The following LDLRAD3 variants were observed in gnomAD, a reference collection of about 807,000 sequenced individuals.
LDLRAD3 encodes low-density lipoprotein receptor class A domain-containing protein 3.
Under a neutral mutation model 29.4 loss-of-function variants are expected in LDLRAD3, and 20 were observed. The observed-to-expected ratio is 0.68, with a 90% CI of 0.48 to 0.99. LDLRAD3 has a LOEUF of 0.99. LDLRAD3 is among the 50% of genes least tolerant of loss of function. The pLI is 0.00. For missense variants in LDLRAD3, 420 were observed against 454.3 expected (o/e 0.92, Z 0.69); for synonymous variants, 157 against 192.7 (o/e 0.81, Z 1.53).
At chr11:36,094,115 G>A (rs1853322962) in intron 3 of LDLRAD3, among the ~76,000 whole-genome samples, 1 of 152,154 alleles carries the variant, frequency 6.6e-6, no homozygotes, top group Non-Finnish European at 1.5e-5. Flanking sequence ...CTTGGAGGTG[G>A]GGTTTCACCG....
rs553724744 is a variant in LDLRAD3, at chr11:36,178,938, T to C, written c.455-48147T>C. Among the ~76,000 whole-genome samples the C allele has an allele frequency of 4.6e-5, 7 of 152,348 alleles. No homozygotes were observed. The East Asian group carries it at 9.6e-4, about 21-fold the overall frequency. The stretch of plus-strand genomic sequence containing the variant: ...TGTAAGTGTCTTGAGGTCATAGAAG[T>C]AAAAGCATGCCTTGTTACCCAGAGT... On this transcript the variant is annotated intron_variant, in intron 4 of 5. Coordinates refer to ENST00000315571, the MANE Select transcript of LDLRAD3 (RefSeq NM_174902.4).
chr11:36,142,809 G>T (rs768070168), intron 4 of LDLRAD3, among the ~76,000 whole-genome samples: 16 of 152,278 alleles, frequency 1.1e-4, no homozygotes, highest in Middle Eastern at 3.4e-3. Context: ...GGAGCCAGAG[G>T]TTGGAATTTC....
At chr11:35,954,649 T>C (rs1314702147) in intron 1 of LDLRAD3, among the ~76,000 whole-genome samples, 1 of 152,134 alleles carries the variant, frequency 6.6e-6, no homozygotes, top group African/African-American at 2.4e-5. Context: ...TTGGTGAAAA[T>C]TGCTTCTCCT....
chr11:36,176,209 T>C (rs892057519), intron 4 of LDLRAD3, among the ~76,000 whole-genome samples: 1 of 152,214 alleles, frequency 6.6e-6, no homozygotes, highest in Non-Finnish European at 1.5e-5. Flanking sequence ...GGTGAGTCTC[T>C]TGAAGACAGC....
chr11:36,040,979 T>TG lies in LDLRAD3; in HGVS notation c.193+4732dup, dbSNP rs545654762. ...TATTTCTTTGTGAGATACCTATTGA[T>TG]GGACTAATATTAATTTCCAGCTGAG... On this transcript the variant is annotated intron_variant, in intron 2 of 5. Transcript: ENST00000315571. 1.7e-3 allele frequency among the ~76,000 whole-genome samples: 266 copies of TG among 152,302 alleles called. 1 individual carries two copies. The highest frequency in any genetic ancestry group is 6.3e-3 in the African/African-American group (260 of 41,562).
At chr11:36,207,220 A>G (rs977958245) in intron 4 of LDLRAD3, among the ~76,000 whole-genome samples, 2 of 152,206 alleles carry the variant, frequency 1.3e-5, no homozygotes, top group African/African-American at 2.4e-5. Flanking sequence ...GTTCCTGGGC[A>G]CGTGGACTTC....
At chr11:36,214,706 C>T (rs539535188) in intron 4 of LDLRAD3, among the ~76,000 whole-genome samples, 1 of 152,290 alleles carries the variant, frequency 6.6e-6, no homozygotes, top group South Asian at 2.1e-4. Context: ...TCAATCACTT[C>T]CTGGCTGTGT....
intron 1 of LDLRAD3, among the ~76,000 whole-genome samples, chr11:35,973,986 AT>A: frequency 6.6e-6 from 1 of 152,256 alleles, no homozygotes; most frequent in East Asian, 1.9e-4. Flanking sequence ...GTGTAGTTTC[AT>A]TTCTATAAAC....
chr11:36,052,254 TG>T, intron 2 of LDLRAD3, among the ~76,000 whole-genome samples: 1 of 152,174 alleles, frequency 6.6e-6, no homozygotes, highest in African/African-American at 2.4e-5. Flanking sequence ...TGCTAAGTAA[TG>T]GGATGGTGAC....
At chr11:36,130,223 G>A (rs1291095931) in intron 4 of LDLRAD3, among the ~76,000 whole-genome samples, 1 of 152,152 alleles carries the variant, frequency 6.6e-6, no homozygotes, top group East Asian at 1.9e-4. Flanking sequence ...TGAGGAAGGG[G>A]CATTTGGCTG....
chr11:35,989,317 CT>C (rs1851658752), intron 1 of LDLRAD3, among the ~76,000 whole-genome samples: 1 of 152,096 alleles, frequency 6.6e-6, no homozygotes, highest in South Asian at 2.1e-4. Context: ...ATGCCTGCAC[CT>C]TTGTTCTTTT....
intron 2 of LDLRAD3, among the ~76,000 whole-genome samples, chr11:36,072,083 C>G (rs763657772): frequency 6.6e-6 from 1 of 152,180 alleles, no homozygotes; most frequent in Non-Finnish European, 1.5e-5. Flanking sequence ...GCTCCTCATT[C>G]GTTGGGCTCT....
chr11:36,018,306 T>C (rs1440831252), intron 1 of LDLRAD3, among the ~76,000 whole-genome samples: 1 of 152,224 alleles, frequency 6.6e-6, no homozygotes, highest in East Asian at 1.9e-4. Flanking sequence ...GTTGCTCCAA[T>C]AGGGGCTTTT....
intron 4 of LDLRAD3, among the ~76,000 whole-genome samples, chr11:36,146,080 AC>A (rs1854189291): frequency 6.6e-6 from 1 of 152,084 alleles, no homozygotes; most frequent in Non-Finnish European, 1.5e-5. Context: ...TCAGCCCATA[AC>A]ACCAGGTAAA....
intron 4 of LDLRAD3, among the ~76,000 whole-genome samples, chr11:36,190,212 C>T (rs1482057141): frequency 6.6e-6 from 1 of 152,054 alleles, no homozygotes; most frequent in Non-Finnish European, 1.5e-5. Flanking sequence ...AAGATGCCTC[C>T]CCTCTTTTAA....
chr11:35,989,164 A>G lies in LDLRAD3; in HGVS notation c.46+45020A>G, dbSNP rs559016904. ...CATTGTTTATTTTTGTCGACTTTGT[A>G]AAAGATCAGATGGCTGTAGGTGTGC... is the stretch of plus-strand genomic sequence containing the variant. On this transcript the variant is annotated intron_variant, in intron 1 of 5. Coordinates refer to ENST00000315571, the MANE Select transcript of LDLRAD3 (RefSeq NM_174902.4). Among the ~76,000 whole-genome samples the G allele has an allele frequency of 8.5e-4, 129 of 152,278 alleles. No individual in the cohort carries two copies. In the South Asian group the frequency reaches 8.7e-3, roughly 10 times the overall value.
chr11:35,965,803 C>A (rs1004679865), intron 1 of LDLRAD3, among the ~76,000 whole-genome samples: 1 of 151,928 alleles, frequency 6.6e-6, no homozygotes, highest in Non-Finnish European at 1.5e-5. Flanking sequence ...TTAAAAAATT[C>A]GCTTTTTAAA....
At chr11:36,060,353 CAAAAAAAA>C (rs60557347) in intron 2 of LDLRAD3, among the ~76,000 whole-genome samples, 3 of 73,554 alleles carry the variant, frequency 4.1e-5, no homozygotes, top group Non-Finnish European at 5.6e-5. Context: ...GACTCTGTCT[CAAAAAAAA>C]AAAAAAAAAA....
intron 2 of LDLRAD3, among the ~76,000 whole-genome samples, chr11:36,066,863 T>A (rs1359854821): frequency 1.3e-5 from 2 of 152,192 alleles, no homozygotes; most frequent in Non-Finnish European, 2.9e-5. Flanking sequence ...AAAAAGTTTC[T>A]TCAGAAAAAA....
Sources: gnomAD v4.1 joint callset for allele counts (sites outside exome capture counted in the v4.1 genomes callset) on GRCh38, gnomAD v4.1.1 for gene constraint, MANE v1.5 for transcripts, NCBI Gene and HGNC (gene_info 2026-07-23, HGNC 2026-07-21) for gene names.